ZNF618: variants seen among roughly 807,000 people sequenced by gnomAD.
The protein encoded by ZNF618 is zinc finger protein 618, also known as neural precursor cell expressed, developmentally down-regulated 10.
In ZNF618, 34 loss-of-function variants were observed where a neutral mutation model predicts 103.0. The ratio of observed to expected loss-of-function variants is 0.33; its 90% CI spans 0.25 to 0.44. The LOEUF (loss-of-function observed/expected upper bound fraction) is 0.44. Among genes scored for constraint, ZNF618 ranks in the 20% least tolerant of loss-of-function variants. The pLI, the probability that ZNF618 is intolerant of heterozygous loss-of-function variation, is 1.00. For synonymous variants in ZNF618, 551 were observed against 542.2 expected, an observed-to-expected ratio of 1.02 and a Z score of -0.23; for missense variants, 1,059 against 1,295.4, an observed-to-expected ratio of 0.82 and a Z score of 2.80.
rs1216407063 is a variant in ZNF618, at chr9:114,050,993, AAG to A, written c.*831_*832del. On this transcript the variant is annotated 3_prime_UTR_variant, in exon 15 of 15. Coordinates refer to ENST00000374126, the MANE Select transcript of ZNF618 (RefSeq NM_001318042.2). ...AAGCTGACATTTTGCTTTTTAATAT[AAG>A]AGAGGAGAAAAAGACATTTTTCAGA... 3.3e-5 allele frequency: 5 copies of A among 152,762 alleles called. No homozygotes were observed. Among genetic ancestry groups the A allele is most frequent in the East Asian group, 1.9e-4 (1 of 5,186 alleles). The allele number at this position is 152,762 out of a possible 1,614,324, so 9.5% of individuals were successfully genotyped here. A position where few individuals can be genotyped will look rare whatever the true frequency, so the allele number is the denominator to read the frequency against.
At chr9:114,017,617 G>A (rs534437561) in intron 10 of ZNF618, among the ~76,000 whole-genome samples, 5 of 152,304 alleles carry the variant, frequency 3.3e-5, no homozygotes, top group South Asian at 4.1e-4. Context: ...GGGCAGTAGG[G>A]CTGGATGTTT....
intron 2 of ZNF618, among the ~76,000 whole-genome samples, chr9:113,973,399 T>C (rs1366881315): frequency 6.6e-6 from 1 of 152,140 alleles, no homozygotes; most frequent in Non-Finnish European, 1.5e-5. Context: ...CACATAATGT[T>C]ATTTCTCCAG....
At chr9:113,987,435 A>G (rs554543452) in intron 2 of ZNF618, among the ~76,000 whole-genome samples, 28 of 152,116 alleles carry the variant, frequency 1.8e-4, no homozygotes, top group African/African-American at 6.7e-4. Context: ...TACCTCGAGG[A>G]TGTTTTCCGA....
At chr9:113,995,538 G>C (rs1381480155) in intron 3 of ZNF618, among the ~76,000 whole-genome samples, 2 of 152,162 alleles carry the variant, frequency 1.3e-5, no homozygotes, top group African/African-American at 4.8e-5. Context: ...TGCTTAGAAA[G>C]CTCAGTCACA....
chr9:113,923,189 T>C (rs557284777), intron 1 of ZNF618, among the ~76,000 whole-genome samples: 2 of 152,314 alleles, frequency 1.3e-5, no homozygotes, highest in African/African-American at 4.8e-5. Context: ...TTAAAATGGA[T>C]TATTTGGGAT....
rs1447190943 is a variant in ZNF618 at position 113,901,040 on chromosome 9, C to T, written c.33+24627C>T. 7.3e-5 allele frequency among the ~76,000 whole-genome samples: 5 copies of T among 68,496 alleles called. 1 individual carries two copies. The highest frequency in any genetic ancestry group is 1.4e-4 in the Non-Finnish European group (5 of 35,172). 44.9% of individuals were successfully genotyped at this position (68,496 alleles called of 152,430 possible). On this transcript the variant is annotated intron_variant, in intron 1 of 14. Transcript: ENST00000374126. Reference sequence around the variant, plus strand: ...CGTCCTCTCGCGCTAACCCGACCTCCTGTCTCCTAGCACCGTCCTCTCGCG... The same window carrying T: ...CGTCCTCTCGCGCTAACCCGACCTCTTGTCTCCTAGCACCGTCCTCTCGCG...
chr9:113,904,121 G>C (rs976328511), intron 1 of ZNF618, among the ~76,000 whole-genome samples: 6 of 130,140 alleles, frequency 4.6e-5, no homozygotes, highest in Admixed American at 1.6e-4. Flanking sequence ...CTGTTTCATT[G>C]TTAATAATTA....
chr9:114,011,135 G>A (rs888342037), intron 9 of ZNF618, among the ~76,000 whole-genome samples: 2 of 152,176 alleles, frequency 1.3e-5, no homozygotes, highest in African/African-American at 4.8e-5. Context: ...CTTAATAGCT[G>A]CATGATGTCC....
At chr9:113,962,356 A>T (rs1308859096) in intron 1 of ZNF618, among the ~76,000 whole-genome samples, 4 of 152,144 alleles carry the variant, frequency 2.6e-5, no homozygotes, top group Admixed American at 2.6e-4. Flanking sequence ...ACTGCTCCGT[A>T]GCCCTGCCAG....
At position 114,028,903 on chromosome 9, in the gene ZNF618, C is replaced by T; in HGVS notation, c.1015C>T (p.Pro339Ser). Residue 339 changes from proline (P) to serine (S), a missense_variant, in exon 11 of 15, where the codon CCT (proline) becomes TCT (serine). Pro to Ser is a moderately conservative substitution (Grantham distance 74, BLOSUM62 -1). Transcript: ENST00000374126. ...ATGTGCCACCCTCTTACACCGCACC[C>T]CTCCAGCCACCCAAACCCAGACGTT... ...VRCATLLHRT[P>S]PATQTQTFRT... 2 of 1,550,564 alleles carry T rather than the reference C, an allele frequency of 1.3e-6. No homozygotes were observed. Among genetic ancestry groups the T allele is most frequent in the South Asian group, 2.4e-5 (2 of 84,052 alleles).
At chr9:113,918,795 T>G (rs1832359717) in intron 1 of ZNF618, among the ~76,000 whole-genome samples, 2 of 152,222 alleles carry the variant, frequency 1.3e-5, no homozygotes, top group Admixed American at 1.3e-4. Flanking sequence ...AGGCTCATCT[T>G]GCACCCCGGC....
chr9:114,016,233 G>A, intron 9 of ZNF618: 3 of 1,466,630 alleles, frequency 2.0e-6, no homozygotes, highest in Non-Finnish European at 2.9e-6. Context: ...TAGTGGGTGG[G>A]GGGTGCTTGG....
chr9:113,984,423 T>C (rs1298614361), intron 2 of ZNF618, among the ~76,000 whole-genome samples: 1 of 152,156 alleles, frequency 6.6e-6, no homozygotes, highest in Non-Finnish European at 1.5e-5. Flanking sequence ...GGTCCTTCTT[T>C]AACAGACAAG....
intron 1 of ZNF618, among the ~76,000 whole-genome samples, chr9:113,918,950 A>G (rs1024726357): frequency 1.3e-5 from 2 of 152,196 alleles, no homozygotes; most frequent in Admixed American, 1.3e-4. Flanking sequence ...GAAAACTGGA[A>G]AGGAAGACTC....
At position 113,948,321 on chromosome 9, in the gene ZNF618, C is replaced by T. The variant is rs374814337; in HGVS notation, c.34-20796C>T. On this transcript the variant is annotated intron_variant, in intron 1 of 14. Transcript: ENST00000374126. ...TGACAGTTCTAAGTTTCTAGGCACT[C>T]GCTAGTCAGAAGGCGGAATAGGGCA... 6.6e-5 allele frequency among the ~76,000 whole-genome samples: 10 copies of T among 152,318 alleles called. 1 individual carries two copies. In the South Asian group the frequency reaches 1.9e-3, roughly 28 times the overall value.
At chr9:114,007,665 AT>A (rs2133794016) in intron 7 of ZNF618, among the ~76,000 whole-genome samples, 1 of 152,288 alleles carries the variant, frequency 6.6e-6, no homozygotes, top group African/African-American at 2.4e-5. Context: ...TGAAATTGCC[AT>A]TTTTATAGGT....
chr9:113,988,937 C>T (rs1440558484), intron 3 of ZNF618, among the ~76,000 whole-genome samples: 2 of 152,208 alleles, frequency 1.3e-5, no homozygotes, highest in Admixed American at 1.3e-4. Flanking sequence ...GTCCTAAATG[C>T]CTCTCTGCTG....
rs79368234 is a variant in ZNF618, at chr9:113,912,982, C to T, written c.33+36569C>T. Among the ~76,000 whole-genome samples the T allele has an allele frequency of 5.1e-4, 78 of 152,246 alleles. No individual in the cohort carries two copies. In the East Asian group the frequency reaches 0.015, roughly 29 times the overall value. ...AGAGGCGGCTGTTACTCCAGACATT[C>T]TGCTTGGTCTCTGCTCTTCCTTCAC... is the stretch of plus-strand genomic sequence containing the variant. On this transcript the variant is annotated intron_variant, in intron 1 of 14. Coordinates refer to ENST00000374126, the MANE Select transcript of ZNF618 (RefSeq NM_001318042.2).
chr9:113,995,131 C>T (rs1840445035), intron 3 of ZNF618, among the ~76,000 whole-genome samples: 1 of 152,098 alleles, frequency 6.6e-6, no homozygotes, highest in Admixed American at 6.5e-5. Flanking sequence ...ACTGCCCCCA[C>T]AGGGTTTTAT....
Sources: gnomAD v4.1 joint callset for allele counts (sites outside exome capture counted in the v4.1 genomes callset) on GRCh38, gnomAD v4.1.1 for gene constraint, MANE v1.5 for transcripts, NCBI Gene and HGNC (gene_info 2026-07-23, HGNC 2026-07-21) for gene names.